Variants in SETBP1 observed in about 807,000 individuals in gnomAD.
The protein encoded by SETBP1 is SET binding protein 1, also known as SET-binding protein.
In SETBP1, 9 loss-of-function variants were observed where a neutral mutation model predicts 101.0. The ratio of observed to expected loss-of-function variants is 0.09; its 90% CI spans 0.05 to 0.16. The LOEUF is 0.16. Among genes scored for constraint, SETBP1 ranks in the 10% least tolerant of loss-of-function variants. The pLI is 1.00. For synonymous variants in SETBP1, 818 were observed against 788.5 expected (o/e 1.04, Z -0.63); for missense variants, 1,858 against 2,033.8 (o/e 0.91, Z 1.66).
At chr18:44,923,782 A>G (rs2070634715) in intron 3 of SETBP1, among the ~76,000 whole-genome samples, 1 of 152,192 alleles carries the variant, frequency 6.6e-6, no homozygotes, top group South Asian at 2.1e-4. Context: ...ATTGGTTGTT[A>G]TGGAAAATGA....
At chr18:44,853,225 A>G (rs2144596215) in intron 2 of SETBP1, among the ~76,000 whole-genome samples, 1 of 152,318 alleles carries the variant, frequency 6.6e-6, no homozygotes, top group Non-Finnish European at 1.5e-5. Context: ...GGTAATAGCC[A>G]AAGCCCCTCC....
At chr18:44,733,489 C>A (rs1324411541) in intron 2 of SETBP1, among the ~76,000 whole-genome samples, 1 of 152,200 alleles carries the variant, frequency 6.6e-6, no homozygotes, top group Non-Finnish European at 1.5e-5. Context: ...AATGCTTGTG[C>A]ACACTGTGGA....
At chr18:44,744,841 C>G (rs1301528301) in intron 2 of SETBP1, among the ~76,000 whole-genome samples, 2 of 151,842 alleles carry the variant, frequency 1.3e-5, no homozygotes, top group Non-Finnish European at 2.9e-5. Flanking sequence ...GGTTTGATCT[C>G]CCCTGAATGC....
Position 45,063,176 on chromosome 18 carries a change from C to T in SETBP1, c.4269C>T (p.Thr1423=). 1 of 1,614,042 alleles carries T rather than the reference C, an allele frequency of 6.2e-7. No individual in the cohort carries two copies. The highest frequency in any genetic ancestry group is 1.1e-5 in the South Asian group (1 of 91,056). ...KMCNYTKILS[T]KKNLDHVNKI... ...GCAACTACACCAAGATCCTGTCCACCAAGAAGAACCTGGACCACGTGAACA... is the reference window on the plus strand; with the variant it reads ...GCAACTACACCAAGATCCTGTCCACTAAGAAGAACCTGGACCACGTGAACA... The change falls in exon 6 of 6, where the codon ACC becomes ACT. Residue 1423 remains threonine (T), a synonymous_variant. Coordinates refer to ENST00000649279, the MANE Select transcript of SETBP1 (RefSeq NM_015559.3).
chr18:44,923,046 C>T (rs539890430), intron 3 of SETBP1, among the ~76,000 whole-genome samples: 1 of 152,192 alleles, frequency 6.6e-6, no homozygotes, highest in African/African-American at 2.4e-5. Context: ...CATCTGCCAG[C>T]TGCCATGTTG....
At chr18:45,033,234 T>C (rs2073332688) in intron 4 of SETBP1, among the ~76,000 whole-genome samples, 1 of 152,182 alleles carries the variant, frequency 6.6e-6, no homozygotes, top group African/African-American at 2.4e-5. Flanking sequence ...CATTTACTGG[T>C]TTACCCAAAA....
chr18:44,867,194 A>G (rs1038818003), intron 2 of SETBP1, among the ~76,000 whole-genome samples: 11 of 152,352 alleles, frequency 7.2e-5, no homozygotes, highest in Non-Finnish European at 1.2e-4. Context: ...GAAAAATTAC[A>G]TAAAGCAGCA....
chr18:44,694,672 G>C (rs915837277), intron 1 of SETBP1, among the ~76,000 whole-genome samples: 2 of 152,190 alleles, frequency 1.3e-5, no homozygotes, highest in Non-Finnish European at 2.9e-5. Context: ...AGCTCGAAGA[G>C]GAGGATGTGA....
At chr18:45,060,636 C>T (rs762161413) in intron 5 of SETBP1, among the ~76,000 whole-genome samples, 3 of 152,084 alleles carry the variant, frequency 2.0e-5, no homozygotes, top group Non-Finnish European at 2.9e-5. Context: ...TAGATTTACA[C>T]TATCAGAATT....
chr18:45,041,591 A>G (rs1367608111), intron 5 of SETBP1, among the ~76,000 whole-genome samples: 1 of 152,216 alleles, frequency 6.6e-6, no homozygotes, highest in Admixed American at 6.5e-5. Flanking sequence ...GGTGGCTTAT[A>G]AAACAAATTT....
intron 5 of SETBP1, among the ~76,000 whole-genome samples, chr18:45,055,919 T>C (rs1057060427): frequency 2.0e-5 from 3 of 152,230 alleles, no homozygotes; most frequent in Non-Finnish European, 4.4e-5. Flanking sequence ...GTGGAAACAT[T>C]TGCAATAAAT....
chr18:44,964,873 T>A (rs76823947), intron 4 of SETBP1, among the ~76,000 whole-genome samples: 2,508 of 152,322 alleles, frequency 0.016, 32 homozygotes, highest in Non-Finnish European at 0.023. Flanking sequence ...TTCTCTTAAG[T>A]GTTTTCCCAG....
At chr18:44,784,569 A>G (rs992028393) in intron 2 of SETBP1, among the ~76,000 whole-genome samples, 5 of 152,148 alleles carry the variant, frequency 3.3e-5, no homozygotes, top group African/African-American at 1.2e-4. Context: ...TTTCCTTCAT[A>G]GGATTTATTG....
rs2145103042 is a variant in SETBP1, at chr18:44,951,472, A to G, written c.2132A>G (p.Lys711Arg). 2 of 1,614,176 alleles carry G rather than the reference A, an allele frequency of 1.2e-6. No homozygotes were observed. The highest frequency in any genetic ancestry group is 1.7e-6 in the Non-Finnish European group (2 of 1,180,028). ...GCAGCCATTGAAAGCAAACTGGGCA[A>G]GCAGATTAATGTCAGCAAGAGGGGA... ...GAAAIESKLG[K>R]QINVSKRGTI... Residue 711 changes from lysine (K) to arginine (R), a missense_variant, in exon 4 of 6, where the codon AAG (lysine) becomes AGG (arginine). Around this residue, in one of 12 missense-constraint regions of SETBP1, gnomAD observed 8 missense variants for 32.7 expected, o/e 0.24. Transcript: ENST00000649279. This position sits in a 1 kb window ranked among gnomAD's most constrained non-coding sequence, Gnocchi z 7.8.
chr18:44,986,703 A>G (rs1016581935), intron 4 of SETBP1: 5 of 151,758 alleles, frequency 3.3e-5, no homozygotes, highest in Non-Finnish European at 7.4e-5. Context: ...TAGCATCAAG[A>G]TCATAAATAT....
intron 5 of SETBP1, among the ~76,000 whole-genome samples, chr18:45,044,782 C>T (rs568617714): frequency 2.8e-4 from 43 of 152,288 alleles, no homozygotes; most frequent in African/African-American, 1.0e-3. Flanking sequence ...CTCTTTAATG[C>T]AGAAGACAGC....
chr18:44,782,598 G>C (rs528658723), intron 2 of SETBP1, among the ~76,000 whole-genome samples: 2 of 152,202 alleles, frequency 1.3e-5, no homozygotes, highest in South Asian at 2.1e-4. Context: ...GACTCCAGAG[G>C]GGGGCTTCTC....
At chr18:44,980,874 C>G (rs2072099672) in intron 4 of SETBP1, among the ~76,000 whole-genome samples, 1 of 152,186 alleles carries the variant, frequency 6.6e-6, no homozygotes, top group Non-Finnish European at 1.5e-5. Context: ...TCTTCTAGAC[C>G]TAGCTCTCAT....
chr18:44,866,263 C>T (rs1714765480), intron 2 of SETBP1, among the ~76,000 whole-genome samples: 1 of 152,188 alleles, frequency 6.6e-6, no homozygotes, highest in Non-Finnish European at 1.5e-5. Flanking sequence ...TATTTGAGTG[C>T]CTCCTTCACA....
Sources: allele counts gnomAD v4.1 joint callset (sites outside exome capture counted in the v4.1 genomes callset), GRCh38; gene constraint gnomAD v4.1.1; regional missense constraint gnomAD v4.1.1; non-coding constraint Gnocchi (gnomAD v3.1); transcripts MANE v1.5; gene names NCBI Gene and HGNC (gene_info 2026-07-23, HGNC 2026-07-21).